COL15A1: variants seen among roughly 807,000 people sequenced by gnomAD.
COL15A1 encodes collagen alpha-1(XV) chain.
A neutral mutation model predicts 165.9 loss-of-function variants in COL15A1; 111 were observed. The ratio of observed to expected loss-of-function variants is 0.67; its 90% confidence interval spans 0.57 to 0.78. The LOEUF (loss-of-function observed/expected upper bound fraction) is 0.78. Among genes scored for constraint, COL15A1 ranks in the 30% least tolerant of loss-of-function variants. COL15A1 has a pLI of 0.00. For missense variants in COL15A1, 1,745 were observed against 1,789.7 expected, an observed-to-expected ratio of 0.98 and a Z score of 0.45; for synonymous variants, 659 against 674.8, an observed-to-expected ratio of 0.98 and a Z score of 0.36.
At chr9:99,063,304 G>A (rs1825846843) in intron 39 of COL15A1, among the ~76,000 whole-genome samples, 195 bp downstream of exon 39, 1 of 152,138 alleles carries the variant, frequency 6.6e-6, no homozygotes, top group Admixed American at 6.5e-5. Context: ...GGGGGTATAA[G>A]GGAGGGCAGA....
rs747522983 is a variant in COL15A1 at position 99,049,913 on chromosome 9, C to A, written c.2904+18C>A. The stretch of plus-strand genomic sequence containing the variant: ...AAATGCCAGTAAGTAGCAATCACTG[C>A]CTTAAAGAGCAGGCTTTGGCATGGA... On this transcript the variant is annotated intron_variant, in intron 30 of 41. Transcript: ENST00000375001. The A allele has an allele frequency of 6.2e-7, 1 of 1,614,206 alleles. No homozygotes were observed. Among genetic ancestry groups the A allele is most frequent in the South Asian group, 1.1e-5 (1 of 91,076 alleles).
At chr9:99,022,871 G>A (rs1307366881) in intron 13 of COL15A1, among the ~76,000 whole-genome samples, 3 of 152,152 alleles carry the variant, frequency 2.0e-5, no homozygotes, top group East Asian at 1.9e-4. Flanking sequence ...CTGGGTGCTC[G>A]GCCTCCTGCT....
chr9:99,035,723 T>G (rs1839289701), intron 19 of COL15A1, among the ~76,000 whole-genome samples: 1 of 152,200 alleles, frequency 6.6e-6, no homozygotes, highest in Non-Finnish European at 1.5e-5. Context: ...CTCTACTTTA[T>G]TTCCTCCCTC....
intron 41 of COL15A1, 138 bp from the exon 42 acceptor site, chr9:99,069,535 C>A (rs1042138472): frequency 5.4e-6 from 6 of 1,103,742 alleles, no homozygotes; most frequent in African/African-American, 4.8e-5. Context: ...CTAGCAAGGG[C>A]AATGAGGATA....
intron 11 of COL15A1, among the ~76,000 whole-genome samples, chr9:99,017,887 A>G (rs994026003): frequency 1.3e-5 from 2 of 152,236 alleles, no homozygotes; most frequent in Admixed American, 1.3e-4. Flanking sequence ...TTAGAATAGT[A>G]TAATTAACCC....
chr9:99,070,043 T>G lies in COL15A1; in HGVS notation c.*157T>G. 1.6e-6 allele frequency: 1 copy of G among 616,698 alleles called. No individual in the cohort carries two copies. The allele number at this position is 616,698 out of a possible 1,614,324, so 38.2% of individuals were successfully genotyped here. On this transcript the variant is annotated 3_prime_UTR_variant, in exon 42 of 42. Transcript: ENST00000375001. Reference sequence around the variant, plus strand: ...CCAAAGAAAACATACCTCAATACACTCAAAACTGAAGACATAGAGGACTCA... The same window carrying G: ...CCAAAGAAAACATACCTCAATACACGCAAAACTGAAGACATAGAGGACTCA...
chr9:99,045,468 C>T (rs761994473), intron 26 of COL15A1, among the ~76,000 whole-genome samples: 1 of 152,256 alleles, frequency 6.6e-6, no homozygotes, highest in Non-Finnish European at 1.5e-5. Context: ...GGCCTTACGG[C>T]TCTGGGAATC....
intron 8 of COL15A1, 40 bp downstream of exon 8, chr9:99,003,627 T>TGGGGTTG (rs760313987): frequency 6.9e-7 from 1 of 1,452,074 alleles, no homozygotes; most frequent in African/African-American, 1.4e-5. Flanking sequence ...CACCTGTGTC[T>TGGGGTTG]GGGGTTGTGG....
chr9:99,052,542 T>G, intron 31 of COL15A1, 109 bp downstream of exon 31: 1 of 901,806 alleles, frequency 1.1e-6, no homozygotes. Flanking sequence ...AAGGTCTAAC[T>G]GGATGCTGTA....
Position 98,952,200 on chromosome 9 carries a change from C to T in COL15A1, c.100+7950C>T, listed in dbSNP as rs188242747. Among the ~76,000 whole-genome samples, 5 of 152,282 alleles carry T rather than the reference C, an allele frequency of 3.3e-5. No individual in the cohort carries two copies. The East Asian group carries it at 9.6e-4, about 29-fold the overall frequency. ...TCTAGCCTGTGGTCTAATGCACCAACTTACTATGTTCTCTGTGGTGTGTAA... is the reference window on the plus strand; with the variant it reads ...TCTAGCCTGTGGTCTAATGCACCAATTTACTATGTTCTCTGTGGTGTGTAA... On this transcript the variant is annotated intron_variant, in intron 2 of 41. Coordinates refer to ENST00000375001, the MANE Select transcript of COL15A1 (RefSeq NM_001855.5).
At chr9:98,967,291 G>C (rs1837972778) in intron 2 of COL15A1, among the ~76,000 whole-genome samples, 1 of 152,194 alleles carries the variant, frequency 6.6e-6, no homozygotes, top group African/African-American at 2.4e-5. Context: ...CTCCTGGAAG[G>C]TGTGTGCCGA....
chr9:99,044,853 C>A, intron 26 of COL15A1, 83 bp downstream of exon 26: 1 of 1,315,750 alleles, frequency 7.6e-7, no homozygotes, highest in Non-Finnish European at 1.1e-6. Context: ...TTTAGTTGTC[C>A]CGGTTATGAA....
chr9:99,002,141 TTCCTC>T (rs148273413), intron 7 of COL15A1, among the ~76,000 whole-genome samples: 38,714 of 114,274 alleles, frequency 0.34, 6,959 homozygotes, highest in East Asian at 0.51. Context: ...ATTCCCTCCC[TTCCTC>T]TCCTCTCCTC....
chr9:99,024,877 C>G lies in COL15A1; in HGVS notation c.1858C>G (p.Pro620Ala), dbSNP rs1165072259. The G allele has an allele frequency of 1.9e-6, 3 of 1,612,532 alleles. No homozygotes were observed. The African/African-American group carries it at 4.0e-5, about 22-fold the overall frequency. ...AACAGAGTCTTTGTGTTTTTAGGGT[C>G]CTCCAGGACCCCCAGGGCCACCTGG... ...LVGSEQLLRGPPGPPGPPGLP... is the reference protein window; with the variant it reads ...LVGSEQLLRGAPGPPGPPGLP... Residue 620 changes from proline to alanine, a missense_variant, in exon 15 of 42, where the codon CCT becomes GCT. Coordinates refer to ENST00000375001, the MANE Select transcript of COL15A1 (RefSeq NM_001855.5).
chr9:99,050,004 A>G, intron 30 of COL15A1, 109 bp downstream of exon 30: 1 of 1,462,788 alleles, frequency 6.8e-7, no homozygotes, highest in South Asian at 1.2e-5. Context: ...GTCCTCTCTG[A>G]TGTCTTCTGT....
At chr9:99,059,783 C>A in intron 35 of COL15A1, 106 bp from the exon 36 acceptor site, 1 of 1,233,848 alleles carries the variant, frequency 8.1e-7, no homozygotes, top group Non-Finnish European at 1.2e-6. Context: ...TGCTTTGTGG[C>A]GCTGTGAATG....
intron 28 of COL15A1, among the ~76,000 whole-genome samples, chr9:99,048,263 C>T (rs1839526983): frequency 6.6e-6 from 1 of 152,146 alleles, no homozygotes; most frequent in South Asian, 2.1e-4. Context: ...TGGTCATGCT[C>T]AGAAAATGTG....
rs918943883 is a variant in COL15A1 at position 99,035,510 on chromosome 9, T to C, written c.2289+92T>C. 1.1e-5 allele frequency: 17 copies of C among 1,500,622 alleles called. No homozygotes were observed. In the African/African-American group the frequency reaches 2.1e-4, roughly 18 times the overall value. The allele number at this position is 1,500,622 out of a possible 1,614,324, so 93.0% of individuals were successfully genotyped here. ...GGGCTGCATCCCGGCTCTGCCACTT[T>C]CAATAACTCACCTTCTCTGTGCCTC... On this transcript the variant is annotated intron_variant, in intron 19 of 41. Transcript: ENST00000375001.
intron 9 of COL15A1, among the ~76,000 whole-genome samples, chr9:99,005,460 A>G (rs1468732919): frequency 1.3e-5 from 2 of 152,034 alleles, no homozygotes; most frequent in African/African-American, 4.8e-5. Flanking sequence ...GCGCACAGAC[A>G]CTGTCCAGCT....
Sources: allele counts gnomAD v4.1 joint callset (sites outside exome capture counted in the v4.1 genomes callset), GRCh38; gene constraint gnomAD v4.1.1; transcripts MANE v1.5; gene names NCBI Gene and HGNC (gene_info 2026-07-23, HGNC 2026-07-21).